STK31: variants seen among roughly 807,000 people sequenced by gnomAD.
STK31 encodes serine/threonine-protein kinase 31.
STK31 carries 89 observed loss-of-function variants against 129.7 expected under a neutral mutation model. That is an observed-to-expected ratio of 0.69 (90% confidence interval 0.58 to 0.82). The LOEUF (loss-of-function observed/expected upper bound fraction) is 0.82, where lower values mean the gene tolerates loss of function less well. Ranked by LOEUF, STK31 falls within the 40% of genes least tolerant of loss-of-function variation. The pLI is 0.00. For synonymous variants in STK31, 448 were observed against 395.3 expected, an observed-to-expected ratio of 1.13 and a Z score of -1.58; for missense variants, 1,187 against 1,176.4, an observed-to-expected ratio of 1.01 and a Z score of -0.13.
At chr7:23,712,344 A>G (rs974298943) in intron 3 of STK31, 58 bp downstream of exon 3, 23 of 1,500,732 alleles carry the variant, frequency 1.5e-5, no homozygotes, top group Non-Finnish European at 1.9e-5. Flanking sequence ...TTCCTCCCCA[A>G]CAAAAACAAA....
chr7:23,751,787 T>C (rs1788726058), intron 8 of STK31, among the ~76,000 whole-genome samples: 1 of 152,242 alleles, frequency 6.6e-6, no homozygotes, highest in Non-Finnish European at 1.5e-5. Context: ...TTTTGATGAA[T>C]TGACCCATTT....
chr7:23,786,594 C>G lies in STK31; in HGVS notation c.2361C>G (p.Asp787Glu). 5.0e-6 allele frequency: 8 copies of G among 1,613,718 alleles called. No homozygotes were observed. The highest frequency in any genetic ancestry group is 6.8e-6 in the Non-Finnish European group (8 of 1,179,824). The change falls in exon 19 of 24, where the codon GAC becomes GAG. Residue 787 changes from aspartate (D) to glutamate (E), a missense_variant. Transcript: ENST00000355870. ...GAGCTTGGAGAGAAGCTGAAGGAGA[C>G]TCAGGGTTACTGCCATTGATATTCC... is the stretch of plus-strand genomic sequence containing the variant. ...YHRAWREAEG[D>E]SGLLPLIFLF...
rs1416598428 is a variant in STK31, at chr7:23,710,313, G to A, written c.28G>A (p.Ala10Thr). The A allele has an allele frequency of 6.2e-7, 1 of 1,613,414 alleles. No individual in the cohort carries two copies. The highest frequency in any genetic ancestry group is 1.1e-5 in the South Asian group (1 of 90,770). The change falls in exon 1 of 24, where the codon GCT becomes ACT. Residue 10 changes from alanine (A) to threonine (T), a missense_variant. Coordinates refer to ENST00000355870, the MANE Select transcript of STK31 (RefSeq NM_031414.5). ...GTGGGTCCAGGGTCACTCTTCTAGA[G>A]CTTCCGCAACGGAAAGTGTGAGGTC... MWVQGHSSR[A>T]SATESVSFSG...
At chr7:23,786,679 A>C (rs1337604152) in intron 19 of STK31, 46 bp downstream of exon 19, 2 of 1,587,640 alleles carry the variant, frequency 1.3e-6, no homozygotes, top group Admixed American at 3.7e-5. Context: ...TTTATCTTGC[A>C]GAAACTATTT....
chr7:23,786,105 C>G (rs1339605577), intron 18 of STK31, among the ~76,000 whole-genome samples: 1 of 151,982 alleles, frequency 6.6e-6, no homozygotes, highest in African/African-American at 2.4e-5. Context: ...GATATACTTT[C>G]CTTTTTTTTT....
chr7:23,773,967 G>T (rs1326394809), intron 15 of STK31, among the ~76,000 whole-genome samples: 1 of 151,154 alleles, frequency 6.6e-6, no homozygotes, highest in East Asian at 1.9e-4. Context: ...GGGTGTGATG[G>T]TCCCCTTCCT....
chr7:23,750,777 G>T (rs1225938205), intron 8 of STK31, among the ~76,000 whole-genome samples: 2 of 152,086 alleles, frequency 1.3e-5, no homozygotes, highest in African/African-American at 2.4e-5. Context: ...TATGTTTACT[G>T]GTGTATGTGT....
chr7:23,795,873 A>G (rs1035348161), intron 22 of STK31, among the ~76,000 whole-genome samples: 1 of 152,240 alleles, frequency 6.6e-6, no homozygotes, highest in Non-Finnish European at 1.5e-5. Context: ...TATTTACCCA[A>G]TGCCTGTACC....
At chr7:23,821,961 G>GT (rs1793808531) in intron 23 of STK31, among the ~76,000 whole-genome samples, 1 of 151,886 alleles carries the variant, frequency 6.6e-6, no homozygotes, top group Non-Finnish European at 1.5e-5. Context: ...TTGGTTGGCT[G>GT]TTTATTTCTG....
chr7:23,775,051 T>A (rs1160949533), intron 15 of STK31, among the ~76,000 whole-genome samples: 1 of 152,190 alleles, frequency 6.6e-6, no homozygotes, highest in South Asian at 2.1e-4. Flanking sequence ...CCCCATTGCT[T>A]TCCCAGTTTT....
chr7:23,730,812 G>A (rs1787357843), intron 6 of STK31, among the ~76,000 whole-genome samples: 1 of 136,500 alleles, frequency 7.3e-6, no homozygotes. Context: ...GAATGTTTTT[G>A]TATGTTTCAA....
chr7:23,780,170 C>G (rs1790829278), intron 15 of STK31, among the ~76,000 whole-genome samples: 1 of 152,122 alleles, frequency 6.6e-6, no homozygotes, highest in Non-Finnish European at 1.5e-5. Flanking sequence ...GCTGCACCCA[C>G]TGTCTAACTA....
In STK31 at chr7:23,730,316, T is replaced by C. The variant is rs189355234; in HGVS notation, c.483+1067T>C. Among the ~76,000 whole-genome samples, 189 of 152,336 alleles carry C rather than the reference T, an allele frequency of 1.2e-3. 1 individual carries two copies. Among genetic ancestry groups the C allele is most frequent in the Non-Finnish European group, 1.2e-3 (80 of 68,032 alleles). On this transcript the variant is annotated intron_variant, in intron 6 of 23. Coordinates refer to ENST00000355870, the MANE Select transcript of STK31 (RefSeq NM_031414.5). ...AATTAAAATTGCCTCTATTTTTCTT[T>C]GAGAATCTTGTAGGTGTGTTGGGTA...
At chr7:23,720,344 A>C (rs1328399381) in intron 4 of STK31, among the ~76,000 whole-genome samples, 1 of 152,182 alleles carries the variant, frequency 6.6e-6, no homozygotes, top group African/African-American at 2.4e-5. Context: ...ATAAATACTC[A>C]GATAAGTTGG....
At chr7:23,828,095 G>A (rs1584512500) in intron 23 of STK31, among the ~76,000 whole-genome samples, 1 of 152,164 alleles carries the variant, frequency 6.6e-6, no homozygotes, top group South Asian at 2.1e-4. Context: ...GCTGTGTGCT[G>A]GGAGAACCAC....
intron 5 of STK31, among the ~76,000 whole-genome samples, chr7:23,728,056 T>G (rs1787193966): frequency 6.7e-6 from 1 of 150,204 alleles, no homozygotes. Flanking sequence ...ATGTGGTGAG[T>G]TTTCTTTGTG....
chr7:23,731,180 A>C (rs1787413520), intron 6 of STK31, among the ~76,000 whole-genome samples: 1 of 151,874 alleles, frequency 6.6e-6, no homozygotes, highest in African/African-American at 2.4e-5. Flanking sequence ...CACCCGGCTA[A>C]ACATTTGTAT....
chr7:23,746,216 C>T (rs188652373), intron 8 of STK31, among the ~76,000 whole-genome samples: 2 of 152,256 alleles, frequency 1.3e-5, no homozygotes, highest in Admixed American at 1.3e-4. Flanking sequence ...GAGCAATATA[C>T]TTGTGTAGTC....
At position 23,752,565 on chromosome 7, in the gene STK31, T is replaced by G. The variant is rs1461266195; in HGVS notation, c.1018-152T>G. On this transcript the variant is annotated intron_variant, in intron 8 of 23. Transcript: ENST00000355870. ...CACATTGTCCAGGCTGGTCTCAAAC[T>G]TCTGAGCTCAAACCATCTGTCCTCC... 1.1e-5 allele frequency: 7 copies of G among 637,812 alleles called. No homozygotes were observed. The Admixed American group carries it at 2.0e-4, about 19-fold the overall frequency. The allele number at this position is 637,812 out of a possible 1,614,324, so 39.5% of individuals were successfully genotyped here.
Sources: gnomAD v4.1 joint callset for allele counts (sites outside exome capture counted in the v4.1 genomes callset) on GRCh38, gnomAD v4.1.1 for gene constraint, MANE v1.5 for transcripts, NCBI Gene and HGNC (gene_info 2026-07-23, HGNC 2026-07-21) for gene names.